The following PCDHA2 variants were observed in gnomAD, a reference collection of about 807,000 sequenced individuals.
PCDHA2 encodes protocadherin alpha 2, also known as protocadherin alpha-2.
PCDHA2 carries 58 observed loss-of-function variants against 66.0 expected under a neutral mutation model. The observed-to-expected ratio is 0.88, with a 90% CI of 0.71 to 1.09. The LOEUF is 1.09. Among genes scored for constraint, PCDHA2 ranks in the 50% least tolerant of loss-of-function variants. PCDHA2 has a pLI of 0.00. For synonymous variants in PCDHA2, 634 were observed against 554.0 expected (o/e 1.14, Z -2.03); for missense variants, 1,267 against 1,242.3 (o/e 1.02, Z -0.30).
Position 140,796,224 on chromosome 5 carries a change from C to T in PCDHA2, c.1260C>T (p.Ala420=), listed in dbSNP as rs782400727. Residue 420 remains alanine, a synonymous_variant, in exon 1 of 4, where the codon GCC becomes GCT. Coordinates refer to ENST00000526136, the MANE Select transcript of PCDHA2 (RefSeq NM_018905.3). ...DSALDRESVS[A]YELVVTARDG... is the part of the protein sequence containing the mutation. Reference sequence around the variant, plus strand: ...CCCTGGACCGCGAGAGCGTGTCAGCCTATGAGCTGGTGGTGACCGCACGGG... The same window carrying T: ...CCCTGGACCGCGAGAGCGTGTCAGCTTATGAGCTGGTGGTGACCGCACGGG... 33 of 1,614,216 alleles carry T rather than the reference C, an allele frequency of 2.0e-5. No individual in the cohort carries two copies. The highest frequency in any genetic ancestry group is 2.8e-5 in the Non-Finnish European group (33 of 1,180,052).
At chr5:140,906,917 C>T (rs2073040753) in intron 1 of PCDHA2, among the ~76,000 whole-genome samples, 1 of 152,114 alleles carries the variant, frequency 6.6e-6, no homozygotes, top group Non-Finnish European at 1.5e-5. Context: ...AGGAGGAGCC[C>T]AAAAAGTGTC....
intron 1 of PCDHA2, chr5:140,883,589 G>A (rs782300348): frequency 1.9e-6 from 3 of 1,614,014 alleles, no homozygotes; most frequent in East Asian, 2.2e-5. Context: ...CACGGCCAGC[G>A]TGTCGGTGGG....
In PCDHA2 at chr5:140,835,742, G is replaced by A. The variant is rs2150243786; in HGVS notation, c.2388+38390G>A. On this transcript the variant is annotated intron_variant, in intron 1 of 3. Coordinates refer to ENST00000526136, the MANE Select transcript of PCDHA2 (RefSeq NM_018905.3). ...TGGCCGACGTGAACGACAACGCCCC[G>A]GCGTTCGCGCAGCCCGAGTATACGG... 1.8e-5 allele frequency: 29 copies of A among 1,613,552 alleles called. 1 individual carries two copies. The highest frequency in any genetic ancestry group is 2.4e-5 in the Non-Finnish European group (28 of 1,179,844).
chr5:140,951,183 G>A (rs1554219780), intron 1 of PCDHA2, among the ~76,000 whole-genome samples: 3 of 151,518 alleles, frequency 2.0e-5, no homozygotes, highest in Admixed American at 6.6e-5. Flanking sequence ...GTCATTGTCC[G>A]CTAATTCCCA....
chr5:140,824,073 A>C, intron 1 of PCDHA2: 2 of 1,614,196 alleles, frequency 1.2e-6, no homozygotes, highest in Non-Finnish European at 1.7e-6. Context: ...CACCCAAAAC[A>C]GACCTCATGG....
intron 3 of PCDHA2, among the ~76,000 whole-genome samples, chr5:140,985,060 C>A (rs1377386395): frequency 6.6e-6 from 1 of 152,066 alleles, no homozygotes; most frequent in Admixed American, 6.5e-5. Flanking sequence ...GCCTCAGCCT[C>A]CTGAGTAGCT....
chr5:140,802,690 G>T (rs782575320), intron 1 of PCDHA2: 1 of 1,612,966 alleles, frequency 6.2e-7, no homozygotes. Context: ...GTGGAACGGC[G>T]GGTGGGGGAG....
At chr5:140,880,095 A>G (rs2058235665) in intron 1 of PCDHA2, among the ~76,000 whole-genome samples, 1 of 152,246 alleles carries the variant, frequency 6.6e-6, no homozygotes, top group South Asian at 2.1e-4. Flanking sequence ...AGTAGGCTTA[A>G]AATCATAGAA....
intron 1 of PCDHA2, among the ~76,000 whole-genome samples, chr5:140,892,990 G>T (rs782084236): frequency 1.3e-5 from 2 of 152,164 alleles, no homozygotes; most frequent in African/African-American, 2.4e-5. Context: ...GTATAAGTGA[G>T]AACATGTATT....
At chr5:140,969,057 T>G in intron 1 of PCDHA2, 2 of 1,614,162 alleles carry the variant, frequency 1.2e-6, no homozygotes, top group Non-Finnish European at 1.7e-6. Context: ...AACAACAATA[T>G]TGATGCCAGG....
chr5:140,839,339 G>C (rs2085813499), intron 1 of PCDHA2, among the ~76,000 whole-genome samples: 1 of 150,974 alleles, frequency 6.6e-6, no homozygotes, highest in Non-Finnish European at 1.5e-5. Context: ...GAAGTTGATA[G>C]GGGATCCTCC....
intron 1 of PCDHA2, chr5:140,852,198 T>G (rs2150513327): frequency 1.4e-6 from 1 of 691,814 alleles, no homozygotes; most frequent in Non-Finnish European, 1.8e-6. Context: ...CCAGTAACGT[T>G]TATTTAAAAC....
intron 1 of PCDHA2, chr5:140,859,610 T>C (rs2045934130): frequency 6.2e-6 from 1 of 161,780 alleles, no homozygotes; most frequent in African/African-American, 2.4e-5. Context: ...CTTTTTTCTT[T>C]CCTTTCTCTT....
At position 140,884,483 on chromosome 5, in the gene PCDHA2, C is replaced by G. The variant is rs376374275; in HGVS notation, c.2388+87131C>G. The G allele has an allele frequency of 3.7e-6, 6 of 1,613,980 alleles. 1 individual carries two copies. In the South Asian group the frequency reaches 5.5e-5, roughly 15 times the overall value. On this transcript the variant is annotated intron_variant, in intron 1 of 3. Coordinates refer to ENST00000526136, the MANE Select transcript of PCDHA2 (RefSeq NM_018905.3). The stretch of plus-strand genomic sequence containing the variant: ...CGCGTGCGCGCCGGGCAAGCCCACT[C>G]TAGTGTGCTCCAGCGCGGCAGGGAG...
chr5:140,866,304 A>G (rs898524631), intron 1 of PCDHA2: 16 of 152,138 alleles, frequency 1.1e-4, no homozygotes, highest in African/African-American at 3.6e-4. Flanking sequence ...AGATGTTGAT[A>G]TTATTATTTC....
At chr5:140,919,489 T>C (rs1554199092) in intron 1 of PCDHA2, among the ~76,000 whole-genome samples, 2 of 152,222 alleles carry the variant, frequency 1.3e-5, no homozygotes, top group African/African-American at 4.8e-5. Context: ...TTATGTTTGT[T>C]ATTTTACTCC....
At chr5:140,975,120 C>CT (rs140169299) in intron 1 of PCDHA2, among the ~76,000 whole-genome samples, 5 of 152,258 alleles carry the variant, frequency 3.3e-5, no homozygotes, top group African/African-American at 1.2e-4. Flanking sequence ...TGTTTTCCTA[C>CT]TTACTATTGG....
At chr5:140,887,348 G>C (rs997332881) in intron 1 of PCDHA2, among the ~76,000 whole-genome samples, 1 of 151,978 alleles carries the variant, frequency 6.6e-6, no homozygotes, top group Non-Finnish European at 1.5e-5. Flanking sequence ...CACCTGGCTC[G>C]GCCTCCCAAA....
chr5:140,868,662 A>G (rs2050574102), intron 1 of PCDHA2: 1 of 163,768 alleles, frequency 6.1e-6, no homozygotes, highest in South Asian at 1.6e-4. Context: ...AGTATTTTAG[A>G]TAAGTAAAAG....
Sources: gnomAD v4.1 joint callset for allele counts (sites outside exome capture counted in the v4.1 genomes callset) on GRCh38, gnomAD v4.1.1 for gene constraint, MANE v1.5 for transcripts, NCBI Gene and HGNC (gene_info 2026-07-23, HGNC 2026-07-21) for gene names.